HTR2A: variants seen among roughly 807,000 people sequenced by gnomAD.
The protein encoded by HTR2A is 5-hydroxytryptamine receptor 2A.
A neutral mutation model predicts 31.0 loss-of-function variants in HTR2A; 14 were observed. The observed-to-expected ratio is 0.45, with a 90% CI of 0.30 to 0.71. The LOEUF (loss-of-function observed/expected upper bound fraction) is 0.71, where lower values mean the gene tolerates loss of function less well. Among genes scored for constraint, HTR2A ranks in the 30% least tolerant of loss-of-function variants. The probability of loss-of-function intolerance (pLI) is 0.09; values close to 1 mark genes in which losing one functional copy is unlikely to be tolerated. For missense variants in HTR2A, 442 were observed against 573.3 expected, an observed-to-expected ratio of 0.77 and a Z score of 2.34; for synonymous variants, 209 against 225.2, an observed-to-expected ratio of 0.93 and a Z score of 0.64.
chr13:46,886,333 T>C (rs1951006095), intron 3 of HTR2A, among the ~76,000 whole-genome samples: 2 of 61,198 alleles, frequency 3.3e-5, no homozygotes, highest in South Asian at 8.4e-4. Context: ...ATTAAGATAT[T>C]GTGCAAGTCA....
At chr13:46,839,037 G>A (rs929842049) in intron 3 of HTR2A, among the ~76,000 whole-genome samples, 4 of 151,878 alleles carry the variant, frequency 2.6e-5, no homozygotes, top group African/African-American at 9.7e-5. Context: ...GTTTCTGAGA[G>A]GGGTGATGGA....
chr13:46,885,807 G>A (rs1198753289), intron 3 of HTR2A, among the ~76,000 whole-genome samples: 1 of 152,190 alleles, frequency 6.6e-6, no homozygotes, highest in African/African-American at 2.4e-5. Flanking sequence ...CATTGTTTTA[G>A]ATTATATTGC....
intron 3 of HTR2A, among the ~76,000 whole-genome samples, chr13:46,879,621 A>G (rs1950945145): frequency 6.6e-6 from 1 of 152,234 alleles, no homozygotes; most frequent in African/African-American, 2.4e-5. Flanking sequence ...ATTGTGCATG[A>G]TGGTCTTTTC....
intron 3 of HTR2A, among the ~76,000 whole-genome samples, chr13:46,866,367 A>T (rs1950818259): frequency 1.3e-5 from 2 of 152,060 alleles, no homozygotes; most frequent in South Asian, 4.2e-4. Context: ...AGGGTCTGTC[A>T]GCCACTCTGC....
intron 3 of HTR2A, 72 bp downstream of exon 3, chr13:46,892,318 A>T: frequency 1.4e-6 from 2 of 1,444,256 alleles, no homozygotes; most frequent in South Asian, 2.3e-5. Context: ...CAGTACAACA[A>T]AATGGAACAA....
chr13:46,874,856 A>C (rs1950894638), intron 3 of HTR2A, among the ~76,000 whole-genome samples: 1 of 152,362 alleles, frequency 6.6e-6, no homozygotes, highest in East Asian at 1.9e-4. Context: ...TGGTTGGGGA[A>C]TTCAGAAGCC....
At chr13:46,875,989 G>T (rs567005212) in intron 3 of HTR2A, among the ~76,000 whole-genome samples, 75 of 152,316 alleles carry the variant, frequency 4.9e-4, no homozygotes, top group African/African-American at 1.7e-3. Flanking sequence ...AAGACATTCT[G>T]ATTTTAGAAA....
intron 3 of HTR2A, among the ~76,000 whole-genome samples, chr13:46,846,080 G>A (rs1273671288): frequency 1.3e-5 from 2 of 152,116 alleles, no homozygotes; most frequent in African/African-American, 4.8e-5. Context: ...TGCAGAATAT[G>A]TTTGGAAAGC....
intron 1 of HTR2A, 87 bp downstream of exon 1, chr13:46,896,587 A>G: frequency 9.7e-7 from 1 of 1,025,832 alleles, no homozygotes; most frequent in Admixed American, 3.3e-5. Context: ...GGAAATTCTC[A>G]TTGAAATGAT....
chr13:46,896,776 C>T lies in HTR2A; in HGVS notation c.-431G>A. 6.5e-7 allele frequency: 1 copy of T among 1,536,344 alleles called. No individual in the cohort carries two copies. The highest frequency in any genetic ancestry group is 8.7e-7 in the Non-Finnish European group (1 of 1,146,192). On this transcript the variant is annotated 5_prime_UTR_variant, in exon 1 of 4. Coordinates refer to ENST00000542664, the MANE Select transcript of HTR2A (RefSeq NM_000621.5). The stretch of plus-strand genomic sequence containing the variant: ...TGTAGAGTCCCCTCTTCTTGATCTT[C>T]CACCAGCATAATATGATAGTAATTT...
intron 3 of HTR2A, among the ~76,000 whole-genome samples, chr13:46,870,641 A>C (rs554830931): frequency 1.3e-5 from 2 of 152,186 alleles, no homozygotes; most frequent in South Asian, 2.1e-4. Context: ...ATTAGTAATT[A>C]TCTATTGTGC....
rs1345205500 is a variant in HTR2A at position 46,891,664 on chromosome 13, A to G, written c.613+726T>C. Among the ~76,000 whole-genome samples the G allele has an allele frequency of 3.3e-5, 5 of 152,142 alleles. No homozygotes were observed. The East Asian group carries it at 7.7e-4, about 23-fold the overall frequency. On this transcript the variant is annotated intron_variant, in intron 3 of 3. Coordinates refer to ENST00000542664, the MANE Select transcript of HTR2A (RefSeq NM_000621.5). ...TTGGATTTTAAAATGAATGTCAGAG[A>G]ATCTTTGGTTACCAACCAAGCTGCT...
chr13:46,869,872 A>C (rs1451412632), intron 3 of HTR2A, among the ~76,000 whole-genome samples: 1 of 152,152 alleles, frequency 6.6e-6, no homozygotes, highest in Non-Finnish European at 1.5e-5. Context: ...AAGAGACAGC[A>C]GATTAGAGGT....
chr13:46,886,643 G>A (rs1424100289), intron 3 of HTR2A, among the ~76,000 whole-genome samples: 1 of 152,174 alleles, frequency 6.6e-6, no homozygotes, highest in African/African-American at 2.4e-5. Context: ...ACCTGTCCTT[G>A]GGGTCAGGGA....
intron 3 of HTR2A, among the ~76,000 whole-genome samples, chr13:46,839,265 T>A (rs977142523): frequency 2.0e-5 from 3 of 152,300 alleles, no homozygotes; most frequent in South Asian, 2.1e-4. Flanking sequence ...CCATTCTTTT[T>A]CCATGCCTCA....
chr13:46,845,457 C>A (rs1412987049), intron 3 of HTR2A, among the ~76,000 whole-genome samples: 1 of 151,986 alleles, frequency 6.6e-6, no homozygotes, highest in Non-Finnish European at 1.5e-5. Flanking sequence ...TTATCACTTA[C>A]CAGAAGCATT....
rs987819133 is a variant in HTR2A at position 46,895,104 on chromosome 13, A to G, written c.412+391T>C. Among the ~76,000 whole-genome samples the G allele has an allele frequency of 4.6e-5, 7 of 152,226 alleles. No homozygotes were observed. In the South Asian group the frequency reaches 1.0e-3, roughly 22 times the overall value. Reference sequence around the variant, plus strand: ...AAACTGTTCTGTCCTGAAGGCTGGAATATTGGTTGGGAATATAAAGAAGCA... The same window carrying G: ...AAACTGTTCTGTCCTGAAGGCTGGAGTATTGGTTGGGAATATAAAGAAGCA... On this transcript the variant is annotated intron_variant, in intron 2 of 3. Coordinates refer to ENST00000542664, the MANE Select transcript of HTR2A (RefSeq NM_000621.5). This position sits in a 1 kb window ranked among gnomAD's most constrained non-coding sequence, Gnocchi z 4.4.
chr13:46,859,809 T>C (rs887639409), intron 3 of HTR2A, among the ~76,000 whole-genome samples: 2 of 152,272 alleles, frequency 1.3e-5, no homozygotes, highest in African/African-American at 4.8e-5. Flanking sequence ...TTTACGGCAA[T>C]GCAAGAGTGG....
In HTR2A at chr13:46,835,078, G is replaced by A. The variant is rs1294072419; in HGVS notation, c.1175C>T (p.Ser392Leu). 6.2e-7 allele frequency: 1 copy of A among 1,614,098 alleles called. No individual in the cohort carries two copies. Among genetic ancestry groups the A allele is most frequent in the East Asian group, 2.2e-5 (1 of 44,890 alleles). Residue 392 changes from serine (S) to leucine (L), a missense_variant, in exon 4 of 4, where the codon TCA (serine) becomes TTA (leucine). By Grantham distance (145) the Ser-to-Leu change is moderately radical (BLOSUM62 -2). This residue lies in a region of HTR2A where 11 missense variants were observed against 31.3 expected (regional missense o/e 0.35). Coordinates refer to ENST00000542664, the MANE Select transcript of HTR2A (RefSeq NM_000621.5). ...LFNKTYRSAF[S>L]RYIQCQYKEN... ...CTTGTACTGACACTGAATATACCGT[G>A]AAAAGGCTGACCTATAGGTCTTGTT...
Sources: gnomAD v4.1 joint callset for allele counts (sites outside exome capture counted in the v4.1 genomes callset) on GRCh38, gnomAD v4.1.1 for gene constraint, gnomAD v4.1.1 regional missense constraint, Gnocchi (gnomAD v3.1) non-coding constraint, MANE v1.5 for transcripts, NCBI Gene and HGNC (gene_info 2026-07-23, HGNC 2026-07-21) for gene names.